The following GNA14 variants were observed in gnomAD, a reference collection of about 807,000 sequenced individuals.
GNA14 encodes guanine nucleotide-binding protein subunit alpha-14.
A neutral mutation model predicts 42.0 loss-of-function variants in GNA14; 50 were observed. The observed-to-expected ratio is 1.19, with a 90% CI of 0.95 to 1.51. The LOEUF is 1.51. GNA14 is among the 40% of genes most tolerant of loss of function. GNA14 has a pLI of 0.00. For missense variants in GNA14, 473 were observed against 446.2 expected (o/e 1.06, Z -0.54); for synonymous variants, 173 against 163.1 (o/e 1.06, Z -0.46).
chr9:77,454,804 G>A (rs1214692665), intron 2 of GNA14, among the ~76,000 whole-genome samples: 6 of 151,952 alleles, frequency 3.9e-5, no homozygotes, highest in African/African-American at 1.5e-4. Flanking sequence ...GAACAGTCAG[G>A]GTCAACGAAA....
At chr9:77,640,405 G>T (rs146132759) in intron 1 of GNA14, among the ~76,000 whole-genome samples, 139 of 152,234 alleles carry the variant, frequency 9.1e-4, no homozygotes, top group African/African-American at 3.3e-3. Flanking sequence ...CTACACATGG[G>T]AGTTGTTACA....
At chr9:77,549,304 T>C (rs114771318) in intron 1 of GNA14, among the ~76,000 whole-genome samples, 4,670 of 152,290 alleles carry the variant, frequency 0.031, 236 homozygotes, top group African/African-American at 0.11. Flanking sequence ...TCCCTCATCC[T>C]TGTGGTCTGA....
intron 1 of GNA14, among the ~76,000 whole-genome samples, chr9:77,566,145 CTTTT>C (rs956489720): frequency 0.14 from 13,903 of 101,812 alleles, 827 homozygotes; most frequent in African/African-American, 0.3. Context: ...GGGAGTGCTT[CTTTT>C]TTTTTTTTTT....
intron 4 of GNA14, 46 bp from the exon 5 acceptor site, chr9:77,429,082 ACTTCGGGG>A: frequency 1.3e-6 from 2 of 1,595,876 alleles, no homozygotes; most frequent in South Asian, 1.1e-5. Flanking sequence ...AATACATGAC[ACTTCGGGG>A]AAAAAGGACA....
At chr9:77,599,103 T>C (rs1823512276) in intron 1 of GNA14, among the ~76,000 whole-genome samples, 1 of 152,142 alleles carries the variant, frequency 6.6e-6, no homozygotes, top group Admixed American at 6.5e-5. Context: ...GGAAATAACT[T>C]ACTCACTTGG....
At chr9:77,513,790 G>A (rs1837207711) in intron 2 of GNA14, among the ~76,000 whole-genome samples, 1 of 152,220 alleles carries the variant, frequency 6.6e-6, no homozygotes, top group South Asian at 2.1e-4. Flanking sequence ...CTCCAGTTAT[G>A]AGCCATGCTC....
intron 1 of GNA14, chr9:77,580,200 A>G: frequency 4.0e-6 from 1 of 250,846 alleles, no homozygotes; most frequent in Non-Finnish European, 8.1e-6. Flanking sequence ...CTGCCGCCAT[A>G]GTGCCAGCCC....
chr9:77,639,444 T>A (rs1030790685), intron 1 of GNA14, among the ~76,000 whole-genome samples: 3 of 152,224 alleles, frequency 2.0e-5, no homozygotes, highest in Non-Finnish European at 2.9e-5. Flanking sequence ...GAAAAGCCTA[T>A]ATTTTAAACC....
chr9:77,491,603 G>C (rs980098673), intron 2 of GNA14, among the ~76,000 whole-genome samples: 1 of 152,184 alleles, frequency 6.6e-6, no homozygotes, highest in African/African-American at 2.4e-5. Context: ...AATTTGGCAA[G>C]AGGATATAAC....
chr9:77,480,463 T>C (rs1049974153), intron 2 of GNA14, among the ~76,000 whole-genome samples: 3 of 152,212 alleles, frequency 2.0e-5, no homozygotes, highest in Non-Finnish European at 4.4e-5. Flanking sequence ...CAGTATTTTA[T>C]TGAGGATTTT....
Position 77,434,519 on chromosome 9 carries a change from T to G in GNA14, c.313A>C (p.Asn105His), listed in dbSNP as rs1462651419. Residue 105 changes from asparagine to histidine, a missense_variant, in exon 3 of 7, where the codon AAT becomes CAT. Asn to His is a moderately conservative substitution (Grantham distance 68). Transcript: ENST00000341700. ...IQYVCEQNKE[N>H]AQIIREVEVD... ...TCCACTTCTCTGATTATCTGGGCAT[T>G]TTCCTACTCAAAGGAAAGAGAACCT... 1 of 1,612,396 alleles carries G rather than the reference T, an allele frequency of 6.2e-7. No individual in the cohort carries two copies. Among genetic ancestry groups the G allele is most frequent in the Admixed American group, 1.7e-5 (1 of 59,592 alleles).
chr9:77,452,800 T>G (rs942717840), intron 2 of GNA14, among the ~76,000 whole-genome samples: 7 of 151,392 alleles, frequency 4.6e-5, no homozygotes, highest in African/African-American at 1.2e-4. Flanking sequence ...GACTAGGTCA[T>G]GAAGGTGGAG....
At chr9:77,463,929 AAGAG>A (rs3052364) in intron 2 of GNA14, among the ~76,000 whole-genome samples, 2 of 152,102 alleles carry the variant, frequency 1.3e-5, no homozygotes, top group African/African-American at 2.4e-5. Context: ...AAAGAAAAGA[AAGAG>A]AAATATATAG....
At chr9:77,439,016 A>G (rs771886636) in intron 2 of GNA14, among the ~76,000 whole-genome samples, 26 of 152,178 alleles carry the variant, frequency 1.7e-4, no homozygotes, top group South Asian at 4.1e-4. Context: ...CTGGAGCCCA[A>G]TGTAGGATCA....
intron 1 of GNA14, among the ~76,000 whole-genome samples, chr9:77,544,064 T>G (rs1837691864): frequency 6.6e-6 from 1 of 152,230 alleles, no homozygotes; most frequent in South Asian, 2.1e-4. Context: ...ATGATTGGCA[T>G]TGATTTAATC....
intron 1 of GNA14, among the ~76,000 whole-genome samples, chr9:77,551,504 C>CA (rs987541147): frequency 7.9e-6 from 1 of 125,858 alleles, no homozygotes; most frequent in African/African-American, 2.5e-5. Context: ...CATGCGCAGA[C>CA]ACTCACCCAC....
intron 1 of GNA14, among the ~76,000 whole-genome samples, chr9:77,597,755 A>G (rs1424484847): frequency 6.6e-6 from 1 of 152,144 alleles, no homozygotes; most frequent in African/African-American, 2.4e-5. Context: ...TTCTCCAGTA[A>G]AATTTTCTAT....
chr9:77,644,169 TAAG>T (rs1192908502), intron 1 of GNA14, among the ~76,000 whole-genome samples: 2 of 151,992 alleles, frequency 1.3e-5, no homozygotes, highest in African/African-American at 4.8e-5. Context: ...GGTATCCTTA[TAAG>T]AAGAGGAAGT....
intron 1 of GNA14, among the ~76,000 whole-genome samples, chr9:77,615,702 TACACACACACACACACACACACACACAC>T (rs59087574): frequency 5.2e-5 from 7 of 134,474 alleles, no homozygotes; most frequent in East Asian, 4.5e-4. Flanking sequence ...GAAAATGAAA[TACACACACACACACACACACACACACAC>T]ACACACACAC....
Sources: gnomAD v4.1 joint callset for allele counts (sites outside exome capture counted in the v4.1 genomes callset) on GRCh38, gnomAD v4.1.1 for gene constraint, MANE v1.5 for transcripts, NCBI Gene and HGNC (gene_info 2026-07-23, HGNC 2026-07-21) for gene names.